The following CDH4 variants were observed in gnomAD, a reference collection of about 807,000 sequenced individuals.
The protein encoded by CDH4 is cadherin-4.
CDH4 carries 33 observed loss-of-function variants against 86.0 expected under a neutral mutation model. The ratio of observed to expected loss-of-function variants is 0.38; its 90% confidence interval spans 0.29 to 0.51. The LOEUF (loss-of-function observed/expected upper bound fraction) is 0.51, where lower values mean the gene tolerates loss of function less well. Among genes scored for constraint, CDH4 ranks in the 20% least tolerant of loss-of-function variants. CDH4 has a pLI of 0.86. For missense variants in CDH4, 1,114 were observed against 1,307.4 expected (o/e 0.85, Z 2.28); for synonymous variants, 555 against 549.4 (o/e 1.01, Z -0.14).
rs1271889512 is a variant in CDH4, at chr20:61,847,554, G to A, written c.732+2731G>A. Among the ~76,000 whole-genome samples the A allele has an allele frequency of 2.0e-5, 3 of 152,272 alleles. No individual in the cohort carries two copies. In the East Asian group the frequency reaches 5.8e-4, roughly 29 times the overall value. On this transcript the variant is annotated intron_variant, in intron 5 of 15. Transcript: ENST00000614565. ...TGCAAACATGCCGTGTAAACATGCG[G>A]TGTAAACACGCTGTGTAAACATGTG...
chr20:61,653,601 G>A lies in CDH4; in HGVS notation c.170-89962G>A, dbSNP rs1317578154. Among the ~76,000 whole-genome samples, 5 of 136,786 alleles carry A rather than the reference G, an allele frequency of 3.7e-5. 1 individual carries two copies. In the East Asian group the frequency reaches 8.4e-4, roughly 23 times the overall value. 89.7% of individuals were successfully genotyped at this position (136,786 alleles called of 152,430 possible). A position where few individuals can be genotyped will look rare whatever the true frequency, so the allele number is the denominator to read the frequency against. ...CTCCCTCCCGGACGGGGTGGCTGCC[G>A]GGCAGAGACGCTCCTCACTTCCCAG... On this transcript the variant is annotated intron_variant, in intron 2 of 15. Transcript: ENST00000614565.
At chr20:61,933,960 G>A (rs1245187245) in intron 14 of CDH4, 96 bp from the exon 15 acceptor site, 4 of 1,373,934 alleles carry the variant, frequency 2.9e-6, no homozygotes, top group African/African-American at 2.8e-5. Flanking sequence ...GGCAGCAGGT[G>A]CATCTGTGGC....
At chr20:61,834,839 C>G (rs1451604792) in intron 4 of CDH4, among the ~76,000 whole-genome samples, 4 of 152,206 alleles carry the variant, frequency 2.6e-5, no homozygotes, top group Admixed American at 6.5e-5. Context: ...GAAGCTGCCT[C>G]CACTCTGGCT....
rs115979139 is a variant in CDH4 at position 61,566,729 on chromosome 20, C to T, written c.170-176834C>T. Among the ~76,000 whole-genome samples, 352 of 152,218 alleles carry T rather than the reference C, an allele frequency of 2.3e-3. 2 individuals carry two copies. The highest frequency in any genetic ancestry group is 7.8e-3 in the African/African-American group (326 of 41,530). On this transcript the variant is annotated intron_variant, in intron 2 of 15. Coordinates refer to ENST00000614565, the MANE Select transcript of CDH4 (RefSeq NM_001794.5). The stretch of plus-strand genomic sequence containing the variant: ...ATTTACCAGTCATTGCTTGAGAGGC[C>T]GGAAAGATTGGAAGCCCAAAGAACT...
At chr20:61,728,957 G>A (rs1045946120) in intron 2 of CDH4, among the ~76,000 whole-genome samples, 2 of 152,118 alleles carry the variant, frequency 1.3e-5, no homozygotes, top group South Asian at 2.1e-4. Flanking sequence ...TGGGAGAGAG[G>A]GACAAAGGGC....
In CDH4 at chr20:61,377,093, G is replaced by C. The variant is rs527577214; in HGVS notation, c.169+122156G>C. Reference sequence around the variant, plus strand: ...CGTGAGGGCGGCTGCTGTCCTTCAAGTCTGCGTTGCCAAGGTAACTGGGGA... The same window carrying C: ...CGTGAGGGCGGCTGCTGTCCTTCAACTCTGCGTTGCCAAGGTAACTGGGGA... On this transcript the variant is annotated intron_variant, in intron 2 of 15. Coordinates refer to ENST00000614565, the MANE Select transcript of CDH4 (RefSeq NM_001794.5). The surrounding 1 kb of genome is among the most constrained non-coding windows in gnomAD (Gnocchi z 4.0). 6.6e-6 allele frequency among the ~76,000 whole-genome samples: 1 copy of C among 152,320 alleles called. No homozygotes were observed. Among genetic ancestry groups the C allele is most frequent in the African/African-American group, 2.4e-5 (1 of 41,578 alleles).
In CDH4 at chr20:61,910,547, C is replaced by T. The variant is rs372927032; in HGVS notation, c.1314C>T (p.Ser438=). The T allele has an allele frequency of 2.7e-5, 43 of 1,613,816 alleles. 1 individual carries two copies. Among genetic ancestry groups the T allele is most frequent in the Middle Eastern group, 1.6e-4 (1 of 6,084 alleles). Residue 438 remains serine (S), a synonymous_variant, in exon 9 of 16, where the codon TCC becomes TCT. Coordinates refer to ENST00000614565, the MANE Select transcript of CDH4 (RefSeq NM_001794.5). ...ACCGCATCATCAGTGGGGATCCATC[C>T]GGGCACTTCAGCGTCCGCACAGACC... The part of the protein sequence containing the change: ...AVYRIISGDP[S]GHFSVRTDPV...
intron 2 of CDH4, among the ~76,000 whole-genome samples, chr20:61,578,012 A>T (rs1568694674): frequency 6.6e-6 from 1 of 151,934 alleles, no homozygotes; most frequent in Non-Finnish European, 1.5e-5. Context: ...ACCATGCAGG[A>T]CTGCCAAGCT....
chr20:61,702,412 C>T (rs1311943310), intron 2 of CDH4, among the ~76,000 whole-genome samples: 1 of 152,200 alleles, frequency 6.6e-6, no homozygotes, highest in African/African-American at 2.4e-5. Flanking sequence ...AGGAACGCTC[C>T]ACACAAAACA....
At chr20:61,536,612 T>C (rs755260528) in intron 2 of CDH4, among the ~76,000 whole-genome samples, 5 of 152,196 alleles carry the variant, frequency 3.3e-5, no homozygotes, top group Non-Finnish European at 7.3e-5. Context: ...CAGGACTCTA[T>C]GATGCATTGT....
chr20:61,689,186 C>T (rs1402852870), intron 2 of CDH4, among the ~76,000 whole-genome samples: 13 of 151,614 alleles, frequency 8.6e-5, no homozygotes, highest in Non-Finnish European at 1.6e-4. Context: ...GATGTGGAAT[C>T]AGGCTGGGAC....
chr20:61,807,411 G>A lies in CDH4; in HGVS notation c.576+34229G>A, dbSNP rs144314757. Among the ~76,000 whole-genome samples the A allele has an allele frequency of 2.0e-5, 3 of 152,364 alleles. No individual in the cohort carries two copies. The East Asian group carries it at 5.8e-4, about 29-fold the overall frequency. On this transcript the variant is annotated intron_variant, in intron 4 of 15. Coordinates refer to ENST00000614565, the MANE Select transcript of CDH4 (RefSeq NM_001794.5). The surrounding 1 kb of genome is among the most constrained non-coding windows in gnomAD (Gnocchi z 4.5). ...TACCCTCAGCTTCTCGTAACAGGGTGTCTGGGTACCTAAATGTCGGAATTT... is the reference window on the plus strand; with the variant it reads ...TACCCTCAGCTTCTCGTAACAGGGTATCTGGGTACCTAAATGTCGGAATTT...
chr20:61,540,314 C>G (rs6121429), intron 2 of CDH4, among the ~76,000 whole-genome samples: 2 of 151,976 alleles, frequency 1.3e-5, no homozygotes, highest in Admixed American at 1.3e-4. Context: ...AAAATGTATC[C>G]TTTGACATGG....
chr20:61,569,674 G>T (rs757926995), intron 2 of CDH4, among the ~76,000 whole-genome samples: 3 of 151,878 alleles, frequency 2.0e-5, no homozygotes, highest in South Asian at 4.2e-4. Context: ...TTTGCCAACT[G>T]CCCCCCAAAT....
At chr20:61,318,655 C>T (rs1159019901) in intron 2 of CDH4, among the ~76,000 whole-genome samples, 1 of 152,230 alleles carries the variant, frequency 6.6e-6, no homozygotes, top group East Asian at 1.9e-4. Context: ...AGTCAGAATA[C>T]ATGCTCAATG....
chr20:61,323,064 G>T (rs142150979), intron 2 of CDH4, among the ~76,000 whole-genome samples: 1 of 152,152 alleles, frequency 6.6e-6, no homozygotes, highest in Non-Finnish European at 1.5e-5. Context: ...TGCCCAGGAC[G>T]CACTGCCGGA....
In CDH4 at chr20:61,583,000, C is replaced by T. The variant is rs1474930651; in HGVS notation, c.170-160563C>T. On this transcript the variant is annotated intron_variant, in intron 2 of 15. Coordinates refer to ENST00000614565, the MANE Select transcript of CDH4 (RefSeq NM_001794.5). This position sits in a 1 kb window ranked among gnomAD's most constrained non-coding sequence, Gnocchi z 4.2. ...TTCTGTCTCTGTCGACTTCCCTGTT[C>T]TGGGCACTGCGCATGAGAGAATTGT... 2.0e-5 allele frequency among the ~76,000 whole-genome samples: 3 copies of T among 152,150 alleles called. No individual in the cohort carries two copies. Among genetic ancestry groups the T allele is most frequent in the East Asian group, 1.9e-4 (1 of 5,148 alleles).
At chr20:61,511,796 T>A (rs1284732348) in intron 2 of CDH4, among the ~76,000 whole-genome samples, 1 of 152,206 alleles carries the variant, frequency 6.6e-6, no homozygotes, top group African/African-American at 2.4e-5. Flanking sequence ...CTGGGTGCCT[T>A]CCCATATCTT....
At chr20:61,761,551 G>T (rs371068409) in intron 3 of CDH4, among the ~76,000 whole-genome samples, 101 of 152,238 alleles carry the variant, frequency 6.6e-4, no homozygotes, top group African/African-American at 2.4e-3. Flanking sequence ...CAAAACAGGA[G>T]CCGAAAATGC....
Sources: allele counts gnomAD v4.1 joint callset (sites outside exome capture counted in the v4.1 genomes callset), GRCh38; gene constraint gnomAD v4.1.1; non-coding constraint Gnocchi (gnomAD v3.1); transcripts MANE v1.5; gene names NCBI Gene and HGNC (gene_info 2026-07-23, HGNC 2026-07-21).